CTSC: variants seen among roughly 807,000 people sequenced by gnomAD.
CTSC encodes the protein cathepsin C.
A neutral mutation model predicts 40.9 loss-of-function variants in CTSC; 37 were observed. The observed-to-expected ratio is 0.91, with a 90% CI of 0.70 to 1.19. The LOEUF (loss-of-function observed/expected upper bound fraction) is 1.19, where lower values mean the gene tolerates loss of function less well. Among genes scored for constraint, CTSC ranks in the 50% most tolerant of loss-of-function variants. CTSC has a pLI of 0.00. For synonymous variants in CTSC, 232 were observed against 207.4 expected, an observed-to-expected ratio of 1.12 and a Z score of -1.02; for missense variants, 594 against 567.3, an observed-to-expected ratio of 1.05 and a Z score of -0.48.
At chr11:88,319,516 A>G (rs1451823987) in intron 2 of CTSC, among the ~76,000 whole-genome samples, 1 of 152,150 alleles carries the variant, frequency 6.6e-6, no homozygotes, top group Non-Finnish European at 1.5e-5. Context: ...TTGTTTCCAA[A>G]TGTTGAAAAT....
At chr11:88,312,642 T>C in intron 2 of CTSC, 88 bp from the exon 3 acceptor site, 4 of 1,364,942 alleles carry the variant, frequency 2.9e-6, no homozygotes, top group South Asian at 1.2e-5. Flanking sequence ...ACAGTAAATG[T>C]GCCCCTTTCA....
chr11:88,300,805 C>T (rs1443358186), intron 4 of CTSC, among the ~76,000 whole-genome samples, 160 bp from the exon 5 acceptor site: 2 of 151,936 alleles, frequency 1.3e-5, no homozygotes, highest in Non-Finnish European at 2.9e-5. Context: ...GTGTCAATTA[C>T]ACAATGGAGT....
At chr11:88,318,762 C>T (rs1249991200) in intron 2 of CTSC, among the ~76,000 whole-genome samples, 1 of 152,118 alleles carries the variant, frequency 6.6e-6, no homozygotes, top group African/African-American at 2.4e-5. Flanking sequence ...AAAAATTAGC[C>T]TGGCATAGTG....
intron 4 of CTSC, among the ~76,000 whole-genome samples, chr11:88,304,599 CT>C (rs1327130920): frequency 6.6e-6 from 1 of 152,142 alleles, no homozygotes; most frequent in Middle Eastern, 3.2e-3. Context: ...ACCTACTGGG[CT>C]GCATTCCCAG....
chr11:88,294,885 T>C (rs553963113), intron 6 of CTSC, among the ~76,000 whole-genome samples: 6 of 152,256 alleles, frequency 3.9e-5, no homozygotes, highest in African/African-American at 1.2e-4. Context: ...AGTTACTTCA[T>C]GTAAAAATAG....
intron 2 of CTSC, among the ~76,000 whole-genome samples, chr11:88,330,070 T>A (rs1938307702): frequency 6.6e-6 from 1 of 152,168 alleles, no homozygotes; most frequent in South Asian, 2.1e-4. Context: ...CCAAGTACAA[T>A]GAAATGGTAA....
chr11:88,328,041 TG>T, intron 2 of CTSC: 1 of 966,348 alleles, frequency 1.0e-6, no homozygotes. Flanking sequence ...GGCATTAATT[TG>T]CATAAGCCAT....
At chr11:88,314,376 T>C (rs1465970708) in intron 2 of CTSC, among the ~76,000 whole-genome samples, 2 of 152,174 alleles carry the variant, frequency 1.3e-5, no homozygotes, top group African/African-American at 2.4e-5. Context: ...ATTCAAATCA[T>C]ATTTAGGGGG....
chr11:88,301,833 C>CAA (rs1334748136), intron 4 of CTSC, among the ~76,000 whole-genome samples: 1 of 151,344 alleles, frequency 6.6e-6, no homozygotes, highest in Non-Finnish European at 1.5e-5. Flanking sequence ...CACACACACA[C>CAA]ACAGAGAGAG....
chr11:88,299,996 C>A (rs1373188024), intron 5 of CTSC, among the ~76,000 whole-genome samples: 1 of 152,186 alleles, frequency 6.6e-6, no homozygotes, highest in Non-Finnish European at 1.5e-5. Context: ...ACTCAGGAAG[C>A]TGGGTTAATA....
rs1565249217 is a variant in CTSC at position 88,293,696 on chromosome 11, GTC to G, written c.*308_*309del. 1 of 339,314 alleles carries G rather than the reference GTC, an allele frequency of 2.9e-6. No individual in the cohort carries two copies. The highest frequency in any genetic ancestry group is 5.5e-6 in the Non-Finnish European group (1 of 182,086). The allele number at this position is 339,314 out of a possible 1,614,324, so 21.0% of individuals were successfully genotyped here. A position where few individuals can be genotyped will look rare whatever the true frequency, so the allele number is the denominator to read the frequency against. On this transcript the variant is annotated 3_prime_UTR_variant, in exon 7 of 7. Coordinates refer to ENST00000227266, the MANE Select transcript of CTSC (RefSeq NM_001814.6). Reference sequence around the variant, plus strand: ...TGTGATTGGTACAATTTAAAAATAAGTCTATGTTTTCACATTGATTTTAAAAA... The same window carrying G: ...TGTGATTGGTACAATTTAAAAATAAGTATGTTTTCACATTGATTTTAAAAA...
intron 2 of CTSC, among the ~76,000 whole-genome samples, chr11:88,313,227 G>A (rs1173894725): frequency 6.6e-6 from 1 of 152,194 alleles, no homozygotes; most frequent in Non-Finnish European, 1.5e-5. Context: ...TTACCACCAC[G>A]CCTGGCTAAT....
intron 4 of CTSC, among the ~76,000 whole-genome samples, chr11:88,305,093 G>C (rs1937619304): frequency 1.4e-5 from 1 of 70,414 alleles, no homozygotes; most frequent in African/African-American, 5.9e-5. Context: ...GTGAGACTCT[G>C]TCAAAAAAAA....
In CTSC at chr11:88,335,089, A is replaced by G. The variant is rs1938457539; in HGVS notation, c.173-7T>C. The G allele has an allele frequency of 3.1e-6, 2 of 646,882 alleles. No homozygotes were observed. Among genetic ancestry groups the G allele is most frequent in the South Asian group, 2.7e-5 (1 of 36,714 alleles). 40.1% of individuals were successfully genotyped at this position (646,882 alleles called of 1,614,324 possible). The stretch of plus-strand genomic sequence containing the variant: ...ACTTTTTTTTCTTGTGGTCCTAAAG[A>G]AAAAAAAAAAAAGCACAATAAAGGA... On this transcript the variant is annotated splice_region_variant and splice_polypyrimidine_tract_variant and intron_variant, in intron 1 of 6. Transcript: ENST00000227266.
intron 5 of CTSC, chr11:88,298,363 A>G (rs989731353): frequency 6.6e-6 from 1 of 152,196 alleles, no homozygotes; most frequent in African/African-American, 2.4e-5. Context: ...GTATTAATAA[A>G]TCTAGGTATA....
Position 88,332,645 on chromosome 11 carries a change from T to C in CTSC, c.318+2292A>G, listed in dbSNP as rs16913792. Among the ~76,000 whole-genome samples, 1,342 of 152,334 alleles carry C rather than the reference T, an allele frequency of 8.8e-3. 22 individuals are homozygous for C. The highest frequency in any genetic ancestry group is 0.031 in the African/African-American group (1,272 of 41,564). On this transcript the variant is annotated intron_variant, in intron 2 of 6. Transcript: ENST00000227266. Reference sequence around the variant, plus strand: ...TTTCAAAAAGAAGTATCCTATTATATTCTACTCTGCCTAAGGAAATTATGG... The same window carrying C: ...TTTCAAAAAGAAGTATCCTATTATACTCTACTCTGCCTAAGGAAATTATGG...
Position 88,294,181 on chromosome 11 carries a change from G to A in CTSC, c.1217C>T (p.Ala406Val), listed in dbSNP as rs752955608. 3.7e-6 allele frequency: 6 copies of A among 1,613,930 alleles called. No individual in the cohort carries two copies. The Admixed American group carries it at 6.7e-5, about 18-fold the overall frequency. The change falls in exon 7 of 7, where the codon GCT (alanine) becomes GTT (valine). Residue 406 changes from alanine (A) to valine (V), a missense_variant. Ala to Val is a moderately conservative substitution (Grantham distance 64). Coordinates refer to ENST00000227266, the MANE Select transcript of CTSC (RefSeq NM_001814.6). Reference sequence around the variant, plus strand: ...AGTGCCATAGCCCACAAGCAGAACAGCATGATTAGTCAGCTCAAAGGGGTT... The same window carrying A: ...AGTGCCATAGCCCACAAGCAGAACAACATGATTAGTCAGCTCAAAGGGGTT... ...PFNPFELTNH[A>V]VLLVGYGTDS...
At chr11:88,316,528 C>CTA (rs1417409855) in intron 2 of CTSC, among the ~76,000 whole-genome samples, 1 of 144,348 alleles carries the variant, frequency 6.9e-6, no homozygotes, top group Non-Finnish European at 1.5e-5. Context: ...TAATTACAGA[C>CTA]TATATCTCAT....
intron 2 of CTSC, chr11:88,325,225 T>C (rs1477070691): frequency 2.0e-6 from 2 of 985,140 alleles, no homozygotes; most frequent in African/African-American, 1.7e-5. Context: ...TTGTACTTAA[T>C]TTGAAGTTTA....
Sources: gnomAD v4.1 joint callset for allele counts (sites outside exome capture counted in the v4.1 genomes callset) on GRCh38, gnomAD v4.1.1 for gene constraint, MANE v1.5 for transcripts, NCBI Gene and HGNC (gene_info 2026-07-23, HGNC 2026-07-21) for gene names.